Variants in IFT88 observed in about 807,000 individuals in gnomAD.
The protein encoded by IFT88 is intraflagellar transport 88.
In IFT88, 74 loss-of-function variants were observed where a neutral mutation model predicts 119.5. The observed-to-expected ratio is 0.62, with a 90% CI of 0.51 to 0.75. The LOEUF (loss-of-function observed/expected upper bound fraction) is 0.75, where lower values mean the gene tolerates loss of function less well. Ranked by LOEUF, IFT88 falls within the 30% of genes least tolerant of loss-of-function variation. The pLI is 0.00. For synonymous variants in IFT88, 279 were observed against 316.7 expected, an observed-to-expected ratio of 0.88 and a Z score of 1.26; for missense variants, 961 against 977.7, an observed-to-expected ratio of 0.98 and a Z score of 0.23.
chr13:20,603,013 A>C (rs538382637), intron 12 of IFT88, among the ~76,000 whole-genome samples: 79 of 152,230 alleles, frequency 5.2e-4, no homozygotes, highest in Non-Finnish European at 1.5e-5. Context: ...ACAGCTATGC[A>C]CACTTATACA....
Position 20,601,899 on chromosome 13 carries a change from T to TG in IFT88, c.1007_1008insG (p.Glu337ArgfsTer3). 6.2e-7 allele frequency: 1 copy of TG among 1,600,666 alleles called. No individual in the cohort carries two copies. Among genetic ancestry groups the TG allele is most frequent in the Non-Finnish European group, 8.6e-7 (1 of 1,167,868 alleles). The stretch of plus-strand genomic sequence containing the variant: ...TTCCAAAAATTGATTACTGTTCCAT[T>TG]AGAAATTGATGAAGATAAATATATT... On this transcript the variant is annotated frameshift_variant, in exon 12 of 26. Coordinates refer to ENST00000351808, the MANE Select transcript of IFT88 (RefSeq NM_006531.5). LOFTEE classifies it high-confidence loss of function.
intron 22 of IFT88, among the ~76,000 whole-genome samples, chr13:20,661,284 G>T (rs1337284409): frequency 1.3e-5 from 2 of 152,188 alleles, no homozygotes; most frequent in African/African-American, 4.8e-5. Context: ...TACCAGGAAG[G>T]AAAGGCAGGA....
intron 14 of IFT88, among the ~76,000 whole-genome samples, chr13:20,625,450 C>T (rs1454452703): frequency 6.6e-6 from 1 of 152,126 alleles, no homozygotes; most frequent in Non-Finnish European, 1.5e-5. Context: ...TATGTGGAAA[C>T]TGTCGTCTGT....
intron 24 of IFT88, among the ~76,000 whole-genome samples, chr13:20,673,144 C>T (rs1464122066): frequency 1.3e-5 from 2 of 152,182 alleles, no homozygotes; most frequent in African/African-American, 4.8e-5. Flanking sequence ...CCTAAGGATT[C>T]TGCATTTCTC....
chr13:20,607,984 T>G (rs2043805180), intron 13 of IFT88: 1 of 598,356 alleles, frequency 1.7e-6, no homozygotes, highest in African/African-American at 1.9e-5. Flanking sequence ...GGCACCACAG[T>G]GGACCTGAGC....
At position 20,567,180 on chromosome 13, in the gene IFT88, G is replaced by C. The variant is rs1269686603; in HGVS notation, c.-83G>C. 6.6e-6 allele frequency: 1 copy of C among 152,252 alleles called. No individual in the cohort carries two copies. Among genetic ancestry groups the C allele is most frequent in the African/African-American group, 2.4e-5 (1 of 41,448 alleles). 9.4% of individuals were successfully genotyped at this position (152,252 alleles called of 1,614,324 possible). On this transcript the variant is annotated 5_prime_UTR_variant, in exon 1 of 26. Coordinates refer to ENST00000351808, the MANE Select transcript of IFT88 (RefSeq NM_006531.5). ...TCCTTGGATTCCGCGCTTGGCAACG[G>C]CTCGGCGTCGCGCTTTGGCCAACCG...
chr13:20,599,055 A>C (rs912488986), intron 10 of IFT88, among the ~76,000 whole-genome samples: 2 of 152,028 alleles, frequency 1.3e-5, no homozygotes, highest in African/African-American at 4.8e-5. Flanking sequence ...TATAGTTTAT[A>C]TTTAGCATTT....
intron 23 of IFT88, among the ~76,000 whole-genome samples, chr13:20,664,972 G>A (rs2054438266): frequency 6.6e-6 from 1 of 151,890 alleles, no homozygotes; most frequent in African/African-American, 2.4e-5. Context: ...CCAGCTACTT[G>A]GGAGGCTGAG....
chr13:20,644,902 T>A lies in IFT88; in HGVS notation c.1893T>A (p.Ile631=), dbSNP rs1184134160. 1.2e-6 allele frequency: 2 copies of A among 1,607,298 alleles called. No homozygotes were observed. ...EVIEWLGAYY[I]DTQFWEKAIQ... ...TTGAGTGGCTTGGAGCCTATTACAT[T>A]GACACCCAATTTTGGGAAAAAGCTA... is the stretch of plus-strand genomic sequence containing the variant. The change falls in exon 20 of 26, where the codon ATT becomes ATA. Residue 631 remains isoleucine, a synonymous_variant. Coordinates refer to ENST00000351808, the MANE Select transcript of IFT88 (RefSeq NM_006531.5).
intron 1 of IFT88, among the ~76,000 whole-genome samples, chr13:20,569,779 A>C (rs1297479153): frequency 6.6e-6 from 1 of 152,016 alleles, no homozygotes; most frequent in East Asian, 1.9e-4. Flanking sequence ...CTGTAATCCC[A>C]GCACTCTGGG....
chr13:20,628,460 T>C (rs1437549692), intron 15 of IFT88, among the ~76,000 whole-genome samples: 1 of 152,224 alleles, frequency 6.6e-6, no homozygotes, highest in Non-Finnish European at 1.5e-5. Flanking sequence ...GCTAACATTG[T>C]TTATTTTTAT....
chr13:20,674,729 T>A (rs1323641022), intron 24 of IFT88, among the ~76,000 whole-genome samples: 2,752 of 119,994 alleles, frequency 0.023, 15 homozygotes, highest in Middle Eastern at 0.055. Context: ...TATATATTTT[T>A]TTTTTTTTTT....
At chr13:20,580,828 C>T (rs2038472610) in intron 2 of IFT88, among the ~76,000 whole-genome samples, 1 of 150,506 alleles carries the variant, frequency 6.6e-6, no homozygotes, top group African/African-American at 2.4e-5. Context: ...CAGGTTCATG[C>T]CATTCTCCTG....
intron 3 of IFT88, among the ~76,000 whole-genome samples, chr13:20,584,437 C>G (rs1359678963): frequency 6.6e-6 from 1 of 152,006 alleles, no homozygotes; most frequent in Non-Finnish European, 1.5e-5. Context: ...CCTAAAAATT[C>G]ATTGTTTTAA....
intron 24 of IFT88, among the ~76,000 whole-genome samples, chr13:20,687,504 C>A (rs1191418766): frequency 6.6e-6 from 1 of 152,188 alleles, no homozygotes; most frequent in Non-Finnish European, 1.5e-5. Context: ...ATCTTGTCAC[C>A]AACTATGCAC....
At chr13:20,569,951 A>T (rs2137771617) in intron 1 of IFT88, among the ~76,000 whole-genome samples, 1 of 152,116 alleles carries the variant, frequency 6.6e-6, no homozygotes, top group African/African-American at 2.4e-5. Context: ...AGGCTGAGGC[A>T]GGAGAATGGC....
At chr13:20,670,258 T>A (rs1196014314) in intron 23 of IFT88, among the ~76,000 whole-genome samples, 1 of 152,198 alleles carries the variant, frequency 6.6e-6, no homozygotes, top group Non-Finnish European at 1.5e-5. Flanking sequence ...ATCCTGTAGC[T>A]GTGTAAATGA....
rs147139911 is a variant in IFT88 at position 20,647,181 on chromosome 13, G to C, written c.1949+2223G>C. Among the ~76,000 whole-genome samples the C allele has an allele frequency of 9.8e-3, 1,496 of 152,132 alleles. 26 individuals are homozygous for C. The highest frequency in any genetic ancestry group is 0.034 in the African/African-American group (1,404 of 41,504). ...CTTTTCTATAAACTTACTTCCACTT[G>C]CACCTGCTGTTATCTCCTTCTCAGT... On this transcript the variant is annotated intron_variant, in intron 20 of 25. Coordinates refer to ENST00000351808, the MANE Select transcript of IFT88 (RefSeq NM_006531.5).
intron 16 of IFT88, 21 bp from the exon 17 acceptor site, chr13:20,638,311 T>G: frequency 8.0e-7 from 1 of 1,256,992 alleles, no homozygotes. Flanking sequence ...TTCAAATAAT[T>G]TGTATATGTA....
Sources: gnomAD v4.1 joint callset for allele counts (sites outside exome capture counted in the v4.1 genomes callset) on GRCh38, gnomAD v4.1.1 for gene constraint, MANE v1.5 for transcripts, NCBI Gene and HGNC (gene_info 2026-07-23, HGNC 2026-07-21) for gene names.